Variants in EIF3I observed in about 807,000 individuals in gnomAD.
EIF3I encodes TGF-beta receptor-interacting protein 1.
A neutral mutation model predicts 43.3 loss-of-function variants in EIF3I; 20 were observed. The observed-to-expected ratio is 0.46, with a 90% CI of 0.32 to 0.67. EIF3I has a LOEUF of 0.67. EIF3I is among the 30% of genes least tolerant of loss of function. The pLI is 0.03. For missense variants in EIF3I, 279 were observed against 421.4 expected (o/e 0.66, Z 2.96); for synonymous variants, 167 against 151.7 (o/e 1.10, Z -0.74).
downstream of EIF3I, among the ~76,000 whole-genome samples, chr1:32,232,617 A>T (rs1022732489): frequency 6.6e-6 from 1 of 152,218 alleles, no homozygotes; most frequent in South Asian, 2.1e-4. Context: ...AATTGATAAC[A>T]ATGAAGATGC....
chr1:32,224,071 T>C, exon 3 of EIF3I: 1 of 1,614,152 alleles, frequency 6.2e-7, no homozygotes, highest in Non-Finnish European at 8.5e-7. Flanking sequence ...GGTGAGAGGC[T>C]GGGCACCTAC....
downstream of EIF3I, among the ~76,000 whole-genome samples, chr1:32,236,076 G>T (rs1471201605): frequency 2.6e-5 from 4 of 152,170 alleles, no homozygotes; most frequent in Non-Finnish European, 5.9e-5. Flanking sequence ...CCCATCCATG[G>T]TTTCACTTTC....
chr1:32,230,441 C>CA (rs1639217530), intron 10 of EIF3I, among the ~76,000 whole-genome samples: 1 of 151,680 alleles, frequency 6.6e-6, no homozygotes. Flanking sequence ...AGGCTGGTCT[C>CA]AAACTCCTGG....
chr1:32,231,528 C>A, downstream of EIF3I: 1 of 214,414 alleles, frequency 4.7e-6, no homozygotes, highest in Non-Finnish European at 9.3e-6. Context: ...TCCAACCAGG[C>A]CAGAGAAGAT....
chr1:32,236,152 A>T (rs1639294748), downstream of EIF3I, among the ~76,000 whole-genome samples: 1 of 152,240 alleles, frequency 6.6e-6, no homozygotes. Flanking sequence ...CCAGAAATAA[A>T]CAATTCATAA....
chr1:32,229,554 T>TCTCTATGTCTAAA (rs1639202128), intron 9 of EIF3I, among the ~76,000 whole-genome samples: 2 of 131,056 alleles, frequency 1.5e-5, no homozygotes, highest in African/African-American at 2.9e-5. Context: ...AGCCTTTTTT[T>TCTCTATGTCTAAA]TTTTTTTTTT....
chr1:32,232,649 C>T (rs973942789), downstream of EIF3I, among the ~76,000 whole-genome samples: 3 of 152,086 alleles, frequency 2.0e-5, no homozygotes, highest in Admixed American at 6.6e-5. Flanking sequence ...AGGCGGCTGC[C>T]GGAGAGTCCA....
chr1:32,229,753 G>A (rs1370044031), intron 9 of EIF3I, among the ~76,000 whole-genome samples: 2 of 151,428 alleles, frequency 1.3e-5, no homozygotes, highest in Non-Finnish European at 2.9e-5. Context: ...ATTTCACCAT[G>A]TTTGCCAGGC....
chr1:32,228,878 T>C, intron 8 of EIF3I, 62 bp downstream of exon 8: 1 of 1,388,860 alleles, frequency 7.2e-7, no homozygotes, highest in Non-Finnish European at 1.0e-6. Flanking sequence ...TCTAGATGCT[T>C]GTCCAGAAGT....
downstream of EIF3I, among the ~76,000 whole-genome samples, chr1:32,235,678 T>C (rs1385042239): frequency 1.3e-5 from 2 of 152,136 alleles, no homozygotes; most frequent in Non-Finnish European, 1.5e-5. Flanking sequence ...CAAGACCCTT[T>C]GAGAAAGTAC....
At chr1:32,223,889 T>C in intron 2 of EIF3I, 145 bp from the exon 3 acceptor site, 1 of 708,076 alleles carries the variant, frequency 1.4e-6, no homozygotes, top group Non-Finnish European at 2.4e-6. Context: ...AGTTGGTCTT[T>C]TTACCAGCTC....
chr1:32,223,431 G>T (rs1639073605), intron 2 of EIF3I, among the ~76,000 whole-genome samples: 1 of 152,102 alleles, frequency 6.6e-6, no homozygotes, highest in South Asian at 2.1e-4. Context: ...CTACAGGCTC[G>T]TGCCACCATG....
At chr1:32,223,680 C>G (rs980853471) in intron 2 of EIF3I, among the ~76,000 whole-genome samples, 1 of 152,198 alleles carries the variant, frequency 6.6e-6, no homozygotes, top group Admixed American at 6.5e-5. Context: ...GCACCAGAAC[C>G]CAGACTTCCT....
downstream of EIF3I, among the ~76,000 whole-genome samples, chr1:32,233,580 G>A (rs570669147): frequency 1.3e-4 from 20 of 152,216 alleles, no homozygotes; most frequent in Non-Finnish European, 2.8e-4. Context: ...GTGAGCCACC[G>A]CGCCCGGCCA....
downstream of EIF3I, chr1:32,231,356 TG>T: frequency 1.7e-6 from 1 of 602,414 alleles, no homozygotes; most frequent in South Asian, 1.9e-5. Context: ...CCAGGCATGG[TG>T]GCACACGCCT....
At chr1:32,228,311 C>T (rs1469183510) in intron 6 of EIF3I, among the ~76,000 whole-genome samples, 188 bp from the exon 7 acceptor site, 1 of 152,114 alleles carries the variant, frequency 6.6e-6, no homozygotes, top group Admixed American at 6.6e-5. Flanking sequence ...CCTGAACTAG[C>T]CAATAGGCAT....
At chr1:32,228,917 G>A in intron 8 of EIF3I, 101 bp downstream of exon 8, 2 of 1,165,758 alleles carry the variant, frequency 1.7e-6, no homozygotes, top group Non-Finnish European at 2.5e-6. Context: ...GGGAAATGAT[G>A]TCAGGCAGAG....
chr1:32,231,172 C>G lies in EIF3I; in HGVS notation c.1065C>G (p.Tyr355Ter). The G allele has an allele frequency of 6.2e-7, 1 of 1,613,960 alleles. No homozygotes were observed. The highest frequency in any genetic ancestry group is 8.5e-7 in the Non-Finnish European group (1 of 1,179,968). ...GTATCCATTACTTCGACCCACAGTA[C>G]TTCGAATTTGAGTTTGAGGCTTAAG... The change falls in exon 12 of 12, where the codon TAC becomes TAG. Residue 355 changes from tyrosine to a stop codon, truncating the protein, a stop_gained. Coordinates refer to ENST00000676679, the Ensembl canonical transcript of EIF3I. LOFTEE classifies it high-confidence loss of function.
At chr1:32,224,208 G>A in intron 3 of EIF3I, 87 bp downstream of exon 3, 1 of 1,364,532 alleles carries the variant, frequency 7.3e-7, no homozygotes, top group Non-Finnish European at 1.0e-6. Context: ...TGGGGGTGCT[G>A]TTGAGGGCCT....
Sources: gnomAD v4.1 joint callset for allele counts (sites outside exome capture counted in the v4.1 genomes callset) on GRCh38, gnomAD v4.1.1 for gene constraint, MANE v1.5 for transcripts, NCBI Gene and HGNC (gene_info 2026-07-23, HGNC 2026-07-21) for gene names.